Variants in CSMD1 observed in about 807,000 individuals in gnomAD.
CSMD1 encodes CUB and Sushi multiple domains 1.
Under a neutral mutation model 417.5 loss-of-function variants are expected in CSMD1, and 213 were observed. The ratio of observed to expected loss-of-function variants is 0.51; its 90% CI spans 0.46 to 0.57. The LOEUF (loss-of-function observed/expected upper bound fraction) is 0.57. Among genes scored for constraint, CSMD1 ranks in the 20% least tolerant of loss-of-function variants. The pLI is 0.00. For missense variants in CSMD1, 6,923 were observed against 4,529.7 expected (o/e 1.53, Z -15.17); for synonymous variants, 2,862 against 1,736.8 (o/e 1.65, Z -16.11).
chr8:4,191,430 A>T (rs540650728), intron 3 of CSMD1, among the ~76,000 whole-genome samples: 2 of 151,700 alleles, frequency 1.3e-5, no homozygotes, highest in Non-Finnish European at 2.9e-5. Flanking sequence ...ACAAAACAAA[A>T]AACACAAAAA....
chr8:3,081,442 T>C lies in CSMD1; in HGVS notation c.7474+5655A>G, dbSNP rs1814088463. Among the ~76,000 whole-genome samples, 3 of 152,316 alleles carry C rather than the reference T, an allele frequency of 2.0e-5. No homozygotes were observed. In the South Asian group the frequency reaches 6.2e-4, roughly 32 times the overall value. Reference sequence around the variant, plus strand: ...AAGTTCCCAATGCCACAAAGAGATATTTGCTATTTTTTAAAATTATTTTTC... The same window carrying C: ...AAGTTCCCAATGCCACAAAGAGATACTTGCTATTTTTTAAAATTATTTTTC... On this transcript the variant is annotated intron_variant, in intron 49 of 69. Transcript: ENST00000635120.
At chr8:4,128,678 A>G (rs1277709437) in intron 3 of CSMD1, among the ~76,000 whole-genome samples, 2 of 151,988 alleles carry the variant, frequency 1.3e-5, no homozygotes, top group South Asian at 2.1e-4. Flanking sequence ...CTTTCATCCC[A>G]TACCCCACAA....
At chr8:3,155,865 G>A (rs1334085035) in intron 39 of CSMD1, among the ~76,000 whole-genome samples, 1 of 152,076 alleles carries the variant, frequency 6.6e-6, no homozygotes, top group Non-Finnish European at 1.5e-5. Context: ...CTATCATAAA[G>A]GCTGAAGTTT....
At chr8:4,991,035 G>C (rs1022038838) in intron 1 of CSMD1, among the ~76,000 whole-genome samples, 1 of 152,142 alleles carries the variant, frequency 6.6e-6, no homozygotes, top group African/African-American at 2.4e-5. Flanking sequence ...GTAGTGTTGT[G>C]TGTGCTCTCC....
intron 10 of CSMD1, among the ~76,000 whole-genome samples, chr8:3,520,389 C>A (rs1192667835): frequency 6.6e-6 from 1 of 151,880 alleles, no homozygotes; most frequent in African/African-American, 2.4e-5. Context: ...AACACTTCAA[C>A]CATAAAAAGT....
chr8:4,819,950 TATCA>T (rs1417497818), intron 1 of CSMD1, among the ~76,000 whole-genome samples: 4 of 152,158 alleles, frequency 2.6e-5, no homozygotes, highest in South Asian at 2.1e-4. Flanking sequence ...AATATCTACT[TATCA>T]ATCAACTAAT....
At chr8:3,062,907 A>G (rs1812679039) in intron 49 of CSMD1, among the ~76,000 whole-genome samples, 1 of 152,218 alleles carries the variant, frequency 6.6e-6, no homozygotes, top group African/African-American at 2.4e-5. Context: ...GACAGGTACA[A>G]ACATTTTTAA....
At chr8:4,581,568 C>A (rs1360349769) in intron 2 of CSMD1, among the ~76,000 whole-genome samples, 1 of 152,134 alleles carries the variant, frequency 6.6e-6, no homozygotes, top group Non-Finnish European at 1.5e-5. Flanking sequence ...GTAAAAAATA[C>A]TCAATATATC....
At chr8:4,086,421 A>T (rs752144930) in intron 3 of CSMD1, among the ~76,000 whole-genome samples, 6 of 152,206 alleles carry the variant, frequency 3.9e-5, no homozygotes, top group Non-Finnish European at 7.3e-5. Flanking sequence ...CATTTTGAAA[A>T]TCATATTTTC....
chr8:4,738,442 T>C (rs1585022907), intron 1 of CSMD1, among the ~76,000 whole-genome samples: 2 of 152,098 alleles, frequency 1.3e-5, no homozygotes, highest in East Asian at 3.9e-4. Context: ...AAGCCCCTTA[T>C]AAAACCATCA....
chr8:3,785,489 T>A (rs945519862), intron 5 of CSMD1, among the ~76,000 whole-genome samples: 1 of 152,188 alleles, frequency 6.6e-6, no homozygotes, highest in African/African-American at 2.4e-5. Flanking sequence ...ACTCTAGTGT[T>A]GGAAAATACA....
At chr8:4,562,247 G>T (rs1044257176) in intron 2 of CSMD1, among the ~76,000 whole-genome samples, 1 of 152,272 alleles carries the variant, frequency 6.6e-6, no homozygotes, top group African/African-American at 2.4e-5. Context: ...TTCCACACGG[G>T]AAATACACAG....
chr8:4,959,736 A>G (rs1018684391), intron 1 of CSMD1, among the ~76,000 whole-genome samples: 7 of 152,248 alleles, frequency 4.6e-5, no homozygotes, highest in African/African-American at 1.7e-4. Context: ...CCTAATGACC[A>G]ACTTACACCA....
At chr8:3,099,782 T>G (rs1815600474) in intron 46 of CSMD1, among the ~76,000 whole-genome samples, 1 of 152,222 alleles carries the variant, frequency 6.6e-6, no homozygotes, top group African/African-American at 2.4e-5. Flanking sequence ...ATGCTGATTT[T>G]GTTTCTTAGG....
At chr8:3,397,911 G>C (rs976141733) in intron 16 of CSMD1, among the ~76,000 whole-genome samples, 4 of 152,144 alleles carry the variant, frequency 2.6e-5, no homozygotes, top group Non-Finnish European at 5.9e-5. Context: ...CAGCCCATCG[G>C]TCATGGTGGA....
At chr8:3,302,154 AAAT>A (rs1280670617) in intron 25 of CSMD1, among the ~76,000 whole-genome samples, 1 of 152,174 alleles carries the variant, frequency 6.6e-6, no homozygotes. Flanking sequence ...AATAATGATG[AAAT>A]AATGATGAAA....
chr8:3,397,371 G>T (rs999837852), intron 16 of CSMD1, among the ~76,000 whole-genome samples: 1 of 152,174 alleles, frequency 6.6e-6, no homozygotes, highest in East Asian at 1.9e-4. Flanking sequence ...AACAGAAAAC[G>T]ATGTTGAAAC....
At chr8:4,862,475 G>A (rs1802195554) in intron 1 of CSMD1, among the ~76,000 whole-genome samples, 1 of 152,100 alleles carries the variant, frequency 6.6e-6, no homozygotes, top group Non-Finnish European at 1.5e-5. Flanking sequence ...AAAAAGAATG[G>A]TTAAAAGTCT....
chr8:4,859,897 A>G (rs942465712), intron 1 of CSMD1, among the ~76,000 whole-genome samples: 1 of 152,152 alleles, frequency 6.6e-6, no homozygotes, highest in Non-Finnish European at 1.5e-5. Flanking sequence ...TGACCCAGCC[A>G]TCCCATTACT....
Sources: allele counts gnomAD v4.1 joint callset (sites outside exome capture counted in the v4.1 genomes callset), GRCh38; gene constraint gnomAD v4.1.1; transcripts MANE v1.5; gene names NCBI Gene and HGNC (gene_info 2026-07-23, HGNC 2026-07-21).